The following FOXN3 variants were observed in gnomAD, a reference collection of about 807,000 sequenced individuals.
FOXN3 encodes the protein forkhead box protein N3.
FOXN3 carries 7 observed loss-of-function variants against 38.4 expected under a neutral mutation model. That is an observed-to-expected ratio of 0.18 (90% CI 0.10 to 0.34). FOXN3 has a LOEUF of 0.34. Ranked by LOEUF, FOXN3 falls within the 10% of genes least tolerant of loss-of-function variation. The probability of loss-of-function intolerance (pLI) is 1.00; values close to 1 mark genes in which losing one functional copy is unlikely to be tolerated. For synonymous variants in FOXN3, 230 were observed against 242.2 expected (o/e 0.95, Z 0.47); for missense variants, 456 against 613.4 (o/e 0.74, Z 2.71).
chr14:89,416,685 C>T (rs528894427), intron 1 of FOXN3, among the ~76,000 whole-genome samples, 186 bp downstream of exon 1: 256 of 152,258 alleles, frequency 1.7e-3, no homozygotes, highest in Admixed American at 5.7e-3. Context: ...GGAAACTCTT[C>T]GGACCCGGCA....
intron 1 of FOXN3, among the ~76,000 whole-genome samples, chr14:89,466,793 C>A (rs1392737184): frequency 6.6e-6 from 1 of 152,182 alleles, no homozygotes; most frequent in Non-Finnish European, 1.5e-5. Flanking sequence ...ACATTTCTCT[C>A]GAGGGTTTTC....
At chr14:89,391,859 T>C (rs963845092) in intron 2 of FOXN3, among the ~76,000 whole-genome samples, 2 of 152,056 alleles carry the variant, frequency 1.3e-5, no homozygotes, top group African/African-American at 4.8e-5. Context: ...TAAAAGAAAT[T>C]AGCCAGGCAT....
At chr14:89,223,497 G>A (rs539245200) in intron 4 of FOXN3, among the ~76,000 whole-genome samples, 8 of 151,910 alleles carry the variant, frequency 5.3e-5, no homozygotes, top group South Asian at 2.1e-4. Context: ...TCCTCAGGGC[G>A]AAGAAGAATT....
intron 1 of FOXN3, among the ~76,000 whole-genome samples, chr14:89,506,421 C>T (rs1295292509): frequency 1.1e-4 from 17 of 148,404 alleles, no homozygotes; most frequent in Non-Finnish European, 1.3e-4. Context: ...AGCCCCTCTG[C>T]CTGGCCAGCT....
chr14:89,401,730 T>G, intron 2 of FOXN3: 1 of 451,502 alleles, frequency 2.2e-6, no homozygotes, highest in Non-Finnish European at 4.5e-6. Flanking sequence ...TCTAATGACA[T>G]TAGTTAAATC....
In FOXN3 at chr14:89,548,645, T is replaced by C. The variant is rs937359228; in HGVS notation, c.-15+70383A>G. ...AGAACCTTAATGTAAATGTAAGTTA[T>C]TACCATAATAATGATGACTTTTCTT... On this transcript the variant is annotated intron_variant, in intron 1 of 6. Coordinates refer to the FOXN3 transcript ENST00000345097. The surrounding 1 kb of genome is among the most constrained non-coding windows in gnomAD (Gnocchi z 4.8). 6.6e-6 allele frequency among the ~76,000 whole-genome samples: 1 copy of C among 152,194 alleles called. No homozygotes were observed. The highest frequency in any genetic ancestry group is 1.5e-5 in the Non-Finnish European group (1 of 68,038).
intron 1 of FOXN3, among the ~76,000 whole-genome samples, chr14:89,556,062 C>G (rs1895117445): frequency 6.6e-6 from 1 of 152,062 alleles, no homozygotes; most frequent in Admixed American, 6.6e-5. Flanking sequence ...TTAAGGGATG[C>G]TAAAACTTTA....
At chr14:89,211,657 G>A (rs994575677) in intron 4 of FOXN3, among the ~76,000 whole-genome samples, 1 of 152,144 alleles carries the variant, frequency 6.6e-6, no homozygotes, top group South Asian at 2.1e-4. Context: ...AATTCTTTTA[G>A]GAGTGGATTA....
chr14:89,325,547 C>T (rs146468660), intron 3 of FOXN3, among the ~76,000 whole-genome samples: 122 of 152,312 alleles, frequency 8.0e-4, no homozygotes, highest in African/African-American at 2.8e-3. Flanking sequence ...GAACCACCCT[C>T]TTTGTTAAAG....
At position 89,413,298 on chromosome 14, in the gene FOXN3, C is replaced by T. The variant is rs148559333; in HGVS notation, c.-14-808G>A. Among the ~76,000 whole-genome samples the T allele has an allele frequency of 4.9e-4, 74 of 152,196 alleles. 1 individual carries two copies. The East Asian group carries it at 0.014, about 29-fold the overall frequency. On this transcript the variant is annotated intron_variant, in intron 1 of 5. Coordinates refer to ENST00000557258, the MANE Select transcript of FOXN3 (RefSeq NM_005197.4). The stretch of plus-strand genomic sequence containing the variant: ...TTTAAAACTGTTAGGTTTTAATTCC[C>T]CCCACAAACGAACAGTAAGAAAATC...
At chr14:89,391,951 G>A (rs934099340) in intron 2 of FOXN3, among the ~76,000 whole-genome samples, 2 of 152,156 alleles carry the variant, frequency 1.3e-5, no homozygotes, top group African/African-American at 4.8e-5. Context: ...AAGTTGCAGT[G>A]AGCTGAGATG....
intron 1 of FOXN3, among the ~76,000 whole-genome samples, chr14:89,451,887 C>T (rs7147927): frequency 2.6e-5 from 4 of 151,772 alleles, no homozygotes; most frequent in African/African-American, 9.7e-5. Context: ...GGAATCATAC[C>T]GACCCCAGAG....
chr14:89,320,509 TA>T (rs1262122110), intron 3 of FOXN3, among the ~76,000 whole-genome samples: 16 of 152,206 alleles, frequency 1.1e-4, no homozygotes, highest in Admixed American at 1.0e-3. Context: ...TGATATCCTT[TA>T]AGTTTTCACA....
At chr14:89,545,595 T>G (rs1259810989) in intron 1 of FOXN3, among the ~76,000 whole-genome samples, 2 of 152,220 alleles carry the variant, frequency 1.3e-5, no homozygotes, top group African/African-American at 2.4e-5. Flanking sequence ...CTGCAAGAGC[T>G]AAAAGCAGCC....
At chr14:89,442,408 G>C (rs999046573) in intron 1 of FOXN3, among the ~76,000 whole-genome samples, 4 of 152,138 alleles carry the variant, frequency 2.6e-5, no homozygotes, top group Admixed American at 2.6e-4. Context: ...TTGGGAAACA[G>C]GTCTGCTCTC....
intron 1 of FOXN3, among the ~76,000 whole-genome samples, chr14:89,498,210 CTTTTTTTTTTTT>C (rs547081117): frequency 2.5e-5 from 2 of 81,074 alleles, no homozygotes; most frequent in Non-Finnish European, 4.3e-5. Context: ...CTCTCTCTCT[CTTTTTTTTTTTT>C]TTTTTTTTTT....
chr14:89,265,098 T>G lies in FOXN3; in HGVS notation c.745+15852A>C, dbSNP rs143676727. ...GTCACAACCTTTGCCTTTGCCTTCA[T>G]GATCTTATTTAGAAATTGTATTATG... is the stretch of plus-strand genomic sequence containing the variant. On this transcript the variant is annotated intron_variant, in intron 4 of 5. Coordinates refer to ENST00000557258, the MANE Select transcript of FOXN3 (RefSeq NM_005197.4). 3.9e-5 allele frequency among the ~76,000 whole-genome samples: 6 copies of G among 152,346 alleles called. No homozygotes were observed. The East Asian group carries it at 1.2e-3, about 29-fold the overall frequency.
chr14:89,425,368 CTGTTT>C (rs1444573532), intron 1 of FOXN3, among the ~76,000 whole-genome samples: 3 of 150,680 alleles, frequency 2.0e-5, no homozygotes, highest in Non-Finnish European at 2.9e-5. Context: ...TGCGCCTGGC[CTGTTT>C]TGTTTTGTTT....
At chr14:89,435,799 A>T (rs937906893) in intron 1 of FOXN3, among the ~76,000 whole-genome samples, 2 of 152,114 alleles carry the variant, frequency 1.3e-5, no homozygotes, top group Non-Finnish European at 2.9e-5. Flanking sequence ...CCTCTCACAG[A>T]TTTCCTGTGA....
Sources: gnomAD v4.1 joint callset for allele counts (sites outside exome capture counted in the v4.1 genomes callset) on GRCh38, gnomAD v4.1.1 for gene constraint, Gnocchi (gnomAD v3.1) non-coding constraint, MANE v1.5 for transcripts, NCBI Gene and HGNC (gene_info 2026-07-23, HGNC 2026-07-21) for gene names.